The following RAD23B variants were observed in gnomAD, a reference collection of about 807,000 sequenced individuals.
The protein encoded by RAD23B is RAD23 nucleotide excision repair protein B.
RAD23B carries 5 observed loss-of-function variants against 49.1 expected under a neutral mutation model. The observed-to-expected ratio is 0.10, with a 90% CI of 0.05 to 0.21. The LOEUF is 0.21. Ranked by LOEUF, RAD23B falls within the 10% of genes least tolerant of loss-of-function variation. The pLI is 1.00. For missense variants in RAD23B, 356 were observed against 486.7 expected, an observed-to-expected ratio of 0.73 and a Z score of 2.53; for synonymous variants, 184 against 165.4, an observed-to-expected ratio of 1.11 and a Z score of -0.86.
rs1587868918 is a variant in RAD23B, at chr9:107,331,625, A to G, written c.*1969A>G. ...AAGAGGTGGCATTTCTGATCGGATA[A>G]TGGAATACTCTCATTTATTTTATGA... On this transcript the variant is annotated 3_prime_UTR_variant, in exon 10 of 10. Transcript: ENST00000358015. 2 of 763,394 alleles carry G rather than the reference A, an allele frequency of 2.6e-6. No individual in the cohort carries two copies. Among genetic ancestry groups the G allele is most frequent in the Middle Eastern group, 2.3e-4 (1 of 4,330 alleles). 47.3% of individuals were successfully genotyped at this position (763,394 alleles called of 1,614,324 possible). A position where few individuals can be genotyped will look rare whatever the true frequency, so the allele number is the denominator to read the frequency against.
At chr9:107,291,222 C>CT (rs1833378286) in intron 1 of RAD23B, among the ~76,000 whole-genome samples, 1 of 152,182 alleles carries the variant, frequency 6.6e-6, no homozygotes, top group Admixed American at 6.5e-5. Flanking sequence ...TGCTAGTGCA[C>CT]TGGCGAGATC....
At chr9:107,289,225 C>T (rs10739237) in intron 1 of RAD23B, among the ~76,000 whole-genome samples, 63,277 of 151,034 alleles carry the variant, frequency 0.42, 14,791 homozygotes, top group East Asian at 0.72. Flanking sequence ...TGCTCTGTCA[C>T]CCAGGATAGA....
intron 6 of RAD23B, among the ~76,000 whole-genome samples, chr9:107,320,841 G>A (rs527333095): frequency 4.5e-4 from 69 of 152,266 alleles, no homozygotes; most frequent in African/African-American, 1.6e-3. Context: ...AAAAACATTG[G>A]TTTTAATGCC....
intron 3 of RAD23B, among the ~76,000 whole-genome samples, chr9:107,302,941 C>A (rs572604394): frequency 5.9e-5 from 9 of 152,224 alleles, no homozygotes; most frequent in Non-Finnish European, 1.0e-4. Context: ...CAGGCGTGAG[C>A]CACCGCGCCC....
At chr9:107,294,831 T>TGGAA (rs772993982) in intron 1 of RAD23B, among the ~76,000 whole-genome samples, 16 of 152,286 alleles carry the variant, frequency 1.1e-4, no homozygotes, top group Non-Finnish European at 1.8e-4. Flanking sequence ...TGGATTATCC[T>TGGAA]GGAAGTCTAA....
chr9:107,313,894 C>CTCCTTTCTCCTT (rs1826939303), intron 5 of RAD23B, among the ~76,000 whole-genome samples: 1 of 152,030 alleles, frequency 6.6e-6, no homozygotes, highest in East Asian at 1.9e-4. Flanking sequence ...TCTGTCCTCT[C>CTCCTTTCTCCTT]TCCTTTCTCC....
At position 107,296,274 on chromosome 9, in the gene RAD23B, A is replaced by C. The variant is rs796170693; in HGVS notation, c.67-3867A>C. Among the ~76,000 whole-genome samples the C allele has an allele frequency of 3.9e-5, 6 of 152,322 alleles. No homozygotes were observed. The East Asian group carries it at 9.6e-4, about 24-fold the overall frequency. ...CCCCGTGCCTTCCCCCACCACCTTA[A>C]AAATGTTGAAGCATCTTGGCATGTT... On this transcript the variant is annotated intron_variant, in intron 1 of 9. Coordinates refer to ENST00000358015, the MANE Select transcript of RAD23B (RefSeq NM_002874.5).
intron 1 of RAD23B, among the ~76,000 whole-genome samples, chr9:107,294,610 A>G (rs1245262336): frequency 6.6e-6 from 1 of 152,258 alleles, no homozygotes; most frequent in Admixed American, 6.5e-5. Context: ...GTTTTGAAGT[A>G]TGCTCAATTA....
At chr9:107,306,044 T>TG (rs1564245426) in intron 3 of RAD23B, among the ~76,000 whole-genome samples, 41 of 19,492 alleles carry the variant, frequency 2.1e-3, no homozygotes, top group African/African-American at 0.011. Flanking sequence ...AATGATACGG[T>TG]TTATATCTAT....
intron 4 of RAD23B, among the ~76,000 whole-genome samples, chr9:107,307,885 C>T (rs1826810712): frequency 6.6e-6 from 1 of 152,200 alleles, no homozygotes. Flanking sequence ...CATTGCCTAA[C>T]TTGATCCATC....
intron 8 of RAD23B, among the ~76,000 whole-genome samples, 186 bp from the exon 9 acceptor site, chr9:107,324,648 A>G (rs1360828741): frequency 6.6e-6 from 1 of 152,178 alleles, no homozygotes; most frequent in Non-Finnish European, 1.5e-5. Context: ...TACTTTGCCC[A>G]AAAGTACTGA....
chr9:107,313,910 T>C (rs1410407425), intron 5 of RAD23B, among the ~76,000 whole-genome samples: 1 of 151,912 alleles, frequency 6.6e-6, no homozygotes, highest in Non-Finnish European at 1.5e-5. Flanking sequence ...TCTCCTTTCC[T>C]TTCTCCTTCC....
intron 5 of RAD23B, among the ~76,000 whole-genome samples, chr9:107,316,575 T>G (rs1827002734): frequency 2.0e-5 from 3 of 152,164 alleles, no homozygotes; most frequent in Non-Finnish European, 4.4e-5. Flanking sequence ...ATAATTAAAA[T>G]TTATTGTTTT....
intron 3 of RAD23B, among the ~76,000 whole-genome samples, chr9:107,302,588 A>G (rs1826676702): frequency 6.6e-6 from 1 of 152,006 alleles, no homozygotes; most frequent in African/African-American, 2.4e-5. Flanking sequence ...TTTAGAAACT[A>G]AAAAAAGGGA....
intron 7 of RAD23B, 69 bp downstream of exon 7, chr9:107,322,187 A>G: frequency 1.4e-6 from 2 of 1,458,764 alleles, no homozygotes; most frequent in Non-Finnish European, 1.8e-6. Flanking sequence ...TTTAACCTGA[A>G]ATACTTCAGA....
chr9:107,322,469 G>A lies in RAD23B; in HGVS notation c.817+351G>A, dbSNP rs117498654. Among the ~76,000 whole-genome samples the A allele has an allele frequency of 8.5e-3, 1,290 of 152,324 alleles. 6 individuals carry two copies. The highest frequency in any genetic ancestry group is 0.012 in the Non-Finnish European group (815 of 68,022). On this transcript the variant is annotated intron_variant, in intron 7 of 9. Coordinates refer to ENST00000358015, the MANE Select transcript of RAD23B (RefSeq NM_002874.5). ...TTACTCTCTCCATAAATGTTACAAA[G>A]TGTATGTAATTTCAAAGCCAGCAGG...
intron 7 of RAD23B, 144 bp downstream of exon 7, chr9:107,322,262 A>C (rs995437041): frequency 1.9e-6 from 2 of 1,049,916 alleles, no homozygotes; most frequent in Non-Finnish European, 2.6e-6. Context: ...ATGTTTGAGA[A>C]AGGCCCAAAA....
chr9:107,293,556 G>A (rs1056047653), intron 1 of RAD23B, among the ~76,000 whole-genome samples: 5 of 152,076 alleles, frequency 3.3e-5, no homozygotes, highest in African/African-American at 1.2e-4. Context: ...CAGTAATAAG[G>A]AACAACATAG....
chr9:107,289,038 CTCT>C (rs1833330151), intron 1 of RAD23B, among the ~76,000 whole-genome samples: 2 of 131,320 alleles, frequency 1.5e-5, no homozygotes, highest in African/African-American at 2.9e-5. Context: ...CTCCCTTCCT[CTCT>C]CCCTTCCTCC....
Sources: allele counts gnomAD v4.1 joint callset (sites outside exome capture counted in the v4.1 genomes callset), GRCh38; gene constraint gnomAD v4.1.1; transcripts MANE v1.5; gene names NCBI Gene and HGNC (gene_info 2026-07-23, HGNC 2026-07-21).